RHPN1: variants seen among roughly 807,000 people sequenced by gnomAD.
RHPN1 encodes the protein rhophilin Rho GTPase binding protein 1.
A neutral mutation model predicts 74.7 loss-of-function variants in RHPN1; 77 were observed. The ratio of observed to expected loss-of-function variants is 1.03; its 90% CI spans 0.86 to 1.25. RHPN1 has a LOEUF of 1.25. Among genes scored for constraint, RHPN1 ranks in the 50% most tolerant of loss-of-function variants. RHPN1 has a pLI of 0.00. For synonymous variants in RHPN1, 444 were observed against 414.5 expected, an observed-to-expected ratio of 1.07 and a Z score of -0.87; for missense variants, 987 against 932.2, an observed-to-expected ratio of 1.06 and a Z score of -0.77.
At chr8:143,380,456 A>AC in intron 10 of RHPN1, 133 bp from the exon 11 acceptor site, 1 of 815,430 alleles carries the variant, frequency 1.2e-6, no homozygotes, top group South Asian at 1.9e-5. Context: ...CCAGCTCCTC[A>AC]CCCCCGTGGC....
chr8:143,378,356 T>TCGGGGGGGGGCGC lies in RHPN1; in HGVS notation c.459+11_459+12insGGGGGGGGGCGCC. The TCGGGGGGGGGCGC allele has an allele frequency of 1.3e-6, 2 of 1,525,438 alleles. No individual in the cohort carries two copies. The highest frequency in any genetic ancestry group is 1.8e-6 in the Non-Finnish European group (2 of 1,136,350). 94.5% of individuals were successfully genotyped at this position (1,525,438 alleles called of 1,614,324 possible). A position where few individuals can be genotyped will look rare whatever the true frequency, so the allele number is the denominator to read the frequency against. On this transcript the variant is annotated intron_variant, in intron 5 of 14. Transcript: ENST00000289013. ...GGAGGCCCTGCGGCAGGTGTGTGGT[T>TCGGGGGGGGGCGC]CCCCCGCCCACCCACCCTCCTGCAG...
intron 1 of RHPN1, among the ~76,000 whole-genome samples, chr8:143,371,381 A>G (rs1817810985): frequency 6.6e-6 from 1 of 151,980 alleles, no homozygotes; most frequent in Non-Finnish European, 1.5e-5. Flanking sequence ...CTGTCAGCAT[A>G]CAGGGTGCCC....
chr8:143,370,945 GC>G (rs1387271855), intron 1 of RHPN1, among the ~76,000 whole-genome samples: 2 of 152,138 alleles, frequency 1.3e-5, no homozygotes, highest in African/African-American at 4.8e-5. Context: ...GGGTGGCTGT[GC>G]CCCCCTCACC....
rs1306026270 is a variant in RHPN1, at chr8:143,382,678, C to T, written c.*27C>T. The T allele has an allele frequency of 5.7e-6, 9 of 1,576,688 alleles. No individual in the cohort carries two copies. The highest frequency in any genetic ancestry group is 1.3e-5 in the African/African-American group (1 of 74,336). ...GGCCAGGATCCCTGCACGCCTCAGC[C>T]CTGGCTCCAGCTGGCAGCAAGCACC... On this transcript the variant is annotated 3_prime_UTR_variant, in exon 15 of 15. Coordinates refer to ENST00000289013, the MANE Select transcript of RHPN1 (RefSeq NM_052924.3).
chr8:143,380,055 C>G lies in RHPN1; in HGVS notation c.1103-7C>G, dbSNP rs532574633. ...CGCGCAGGGCTCACAGCCTCTCTGT[C>G]CCCCAGCAGCGACCGAGGGAGAGCT... is the stretch of plus-strand genomic sequence containing the variant. On this transcript the variant is annotated splice_polypyrimidine_tract_variant and splice_region_variant and intron_variant, in intron 9 of 14. Coordinates refer to ENST00000289013, the MANE Select transcript of RHPN1 (RefSeq NM_052924.3). The G allele has an allele frequency of 3.9e-6, 6 of 1,543,440 alleles. No individual in the cohort carries two copies. The highest frequency in any genetic ancestry group is 2.7e-5 in the African/African-American group (2 of 73,026).
Position 143,377,934 on chromosome 8 carries a change from C to T in RHPN1, c.382-335C>T, listed in dbSNP as rs540076448. Among the ~76,000 whole-genome samples, 26 of 152,346 alleles carry T rather than the reference C, an allele frequency of 1.7e-4. No homozygotes were observed. The East Asian group carries it at 4.2e-3, about 25-fold the overall frequency. ...CCGAGTCACTGAGTGGCAGATGGCACCTGCCTCCCGGCCACGGGGATGAAT... is the reference window on the plus strand; with the variant it reads ...CCGAGTCACTGAGTGGCAGATGGCATCTGCCTCCCGGCCACGGGGATGAAT... On this transcript the variant is annotated intron_variant, in intron 4 of 14. Transcript: ENST00000289013.
chr8:143,375,690 G>A (rs1301455500), intron 2 of RHPN1, 22 bp downstream of exon 2: 1 of 1,570,354 alleles, frequency 6.4e-7, no homozygotes, highest in Admixed American at 1.8e-5. Context: ...AGACTGCCCG[G>A]CCCCGGGAGC....
rs1818500784 is a variant in RHPN1, at chr8:143,379,069, A to AGGGCCGCTGGTGAGGGCGGCCC, written c.750_751+20dup. ...CCGCCGCGCTATGGAGGCCTTCCAG[A>AGGGCCGCTGGTGAGGGCGGCCC]GGGCCGCTGGTGAGGGCGGCCCGGG... On this transcript the variant is annotated frameshift_variant, in exon 7 of 15. Transcript: ENST00000289013. LOFTEE classifies it high-confidence loss of function. 3 of 1,521,746 alleles carry AGGGCCGCTGGTGAGGGCGGCCC rather than the reference A, an allele frequency of 2.0e-6. No homozygotes were observed. The African/African-American group carries it at 4.2e-5, about 21-fold the overall frequency. 94.3% of individuals were successfully genotyped at this position (1,521,746 alleles called of 1,614,324 possible).
rs778005158 is a variant in RHPN1, at chr8:143,378,717, A to T, written c.481A>T (p.Asn161Tyr). 6.3e-7 allele frequency: 1 copy of T among 1,596,002 alleles called. No homozygotes were observed. The highest frequency in any genetic ancestry group is 1.1e-5 in the South Asian group (1 of 88,120). The change falls in exon 6 of 15, where the codon AAT becomes TAT. Residue 161 changes from asparagine to tyrosine, a missense_variant. Asn to Tyr is a moderately radical substitution (Grantham distance 143). Coordinates refer to ENST00000289013, the MANE Select transcript of RHPN1 (RefSeq NM_052924.3). ...LRQAMRTPSR[N>Y]ESGLELLTAY... ...GCAGGCCATGCGGACCCCCAGCCGG[A>T]ATGAGTCGGGCCTGGAGCTGCTCAC...
At chr8:143,365,015 G>C (rs375944258), upstream of RHPN1, among the ~76,000 whole-genome samples, 2 of 152,008 alleles carry the variant, frequency 1.3e-5, no homozygotes, top group South Asian at 4.1e-4. Flanking sequence ...GAATTTGTGT[G>C]GGTTTGTGCA....
Position 143,382,909 on chromosome 8 carries a change from T to C in RHPN1, c.*258T>C, listed in dbSNP as rs1226829073. The C allele has an allele frequency of 1.3e-5, 7 of 537,630 alleles. No homozygotes were observed. The highest frequency in any genetic ancestry group is 2.3e-5 in the Non-Finnish European group (7 of 298,758). 33.3% of individuals were successfully genotyped at this position (537,630 alleles called of 1,614,324 possible). On this transcript the variant is annotated 3_prime_UTR_variant, in exon 15 of 15. Coordinates refer to ENST00000289013, the MANE Select transcript of RHPN1 (RefSeq NM_052924.3). ...TCAGCTTCCTGGGGCTGCCCCACCC[T>C]GAGGGCTCCTTACAGGGTGCTCCTC...
intron 1 of RHPN1, among the ~76,000 whole-genome samples, chr8:143,370,394 C>G (rs1268457326): frequency 2.0e-5 from 3 of 152,232 alleles, no homozygotes; most frequent in Non-Finnish European, 4.4e-5. Context: ...TCAGGCTGTC[C>G]TGCCATCTGG....
rs747058542 is a variant in RHPN1, at chr8:143,382,754, C to T, written c.*103C>T. 5.9e-6 allele frequency: 6 copies of T among 1,021,606 alleles called. No individual in the cohort carries two copies. The highest frequency in any genetic ancestry group is 8.5e-6 in the Non-Finnish European group (6 of 706,152). The allele number at this position is 1,021,606 out of a possible 1,614,324, so 63.3% of individuals were successfully genotyped here. A position where few individuals can be genotyped will look rare whatever the true frequency, so the allele number is the denominator to read the frequency against. The stretch of plus-strand genomic sequence containing the variant: ...CCTCCGGGCAATGCCTGTCCCGCCT[C>T]ATGCTGGAGGCTGCCTCGGGCACCT... On this transcript the variant is annotated 3_prime_UTR_variant, in exon 15 of 15. Transcript: ENST00000289013.
rs774557249 is a variant in RHPN1 at position 143,379,458 on chromosome 8, G to GC, written c.901dup (p.Gln301ProfsTer89). ...GGGCCTCTCACCACCTGCCTCCATGGCCCCCCAAGACTGCCTGGCCCAGCT... is the reference window on the plus strand; with the variant it reads ...GGGCCTCTCACCACCTGCCTCCATGGCCCCCCCAAGACTGCCTGGCCCAGCT... On this transcript the variant is annotated frameshift_variant, in exon 8 of 15. Coordinates refer to ENST00000289013, the MANE Select transcript of RHPN1 (RefSeq NM_052924.3). LOFTEE classifies it high-confidence loss of function. 3.8e-6 allele frequency: 6 copies of GC among 1,571,436 alleles called. No homozygotes were observed. Among genetic ancestry groups the GC allele is most frequent in the South Asian group, 1.2e-5 (1 of 85,766 alleles).
chr8:143,382,116 C>T (rs891986519), intron 14 of RHPN1, 148 bp downstream of exon 14: 2 of 821,450 alleles, frequency 2.4e-6, no homozygotes, highest in African/African-American at 1.7e-5. Flanking sequence ...CAGGGGCCAC[C>T]TGTGCTGTGG....
In RHPN1 at chr8:143,375,662, T is replaced by C. The variant is rs1227785685; in HGVS notation, c.170T>C (p.Leu57Pro). The C allele has an allele frequency of 1.2e-6, 2 of 1,605,514 alleles. No individual in the cohort carries two copies. The highest frequency in any genetic ancestry group is 1.7e-6 in the Non-Finnish European group (2 of 1,176,744). Residue 57 changes from leucine (L) to proline (P), a missense_variant, in exon 2 of 15, where the codon CTC (leucine) becomes CCC (proline). Leu to Pro is a moderately conservative substitution (Grantham distance 98, BLOSUM62 -3). Transcript: ENST00000289013. ...ELQMRTGAEN[L>P]YRATSNNRVR... Reference sequence around the variant, plus strand: ...CAGATGCGGACGGGCGCTGAGAACCTCTACAGGTCAGTGCTTGAGACTGCC... The same window carrying C: ...CAGATGCGGACGGGCGCTGAGAACCCCTACAGGTCAGTGCTTGAGACTGCC...
intron 2 of RHPN1, among the ~76,000 whole-genome samples, chr8:143,376,219 T>G (rs1818206221): frequency 6.6e-6 from 1 of 152,196 alleles, no homozygotes; most frequent in Non-Finnish European, 1.5e-5. Context: ...GGAGTGATGT[T>G]TGAGTGCTGT....
Position 143,380,604 on chromosome 8 carries a change from A to G in RHPN1, c.1232A>G (p.Lys411Arg). The change falls in exon 11 of 15, where the codon AAG becomes AGG. Residue 411 changes from lysine (K) to arginine (R), a missense_variant. Transcript: ENST00000289013. ...ERRQLGKAHL[K>R]RAILGQEEAL... Reference sequence around the variant, plus strand: ...CCGCGTGCAGGCAAGGCACACCTGAAGCGTGCCATCCTGGGGCAGGAGGAG... The same window carrying G: ...CCGCGTGCAGGCAAGGCACACCTGAGGCGTGCCATCCTGGGGCAGGAGGAG... The G allele has an allele frequency of 2.0e-6, 3 of 1,530,940 alleles. No individual in the cohort carries two copies. Among genetic ancestry groups the G allele is most frequent in the Non-Finnish European group, 2.6e-6 (3 of 1,136,636 alleles). 94.8% of individuals were successfully genotyped at this position (1,530,940 alleles called of 1,614,324 possible).
chr8:143,374,899 G>T (rs1005900821), intron 1 of RHPN1, among the ~76,000 whole-genome samples: 2 of 152,246 alleles, frequency 1.3e-5, no homozygotes, highest in African/African-American at 4.8e-5. Flanking sequence ...GCTGGGCAGG[G>T]CCGCGGGGCT....
Sources: gnomAD v4.1 joint callset for allele counts (sites outside exome capture counted in the v4.1 genomes callset) on GRCh38, gnomAD v4.1.1 for gene constraint, MANE v1.5 for transcripts, NCBI Gene and HGNC (gene_info 2026-07-23, HGNC 2026-07-21) for gene names.